Variants in GRIP1 observed in about 807,000 individuals in gnomAD.
GRIP1 encodes glutamate receptor-interacting protein 1.
GRIP1 carries 45 observed loss-of-function variants against 129.9 expected under a neutral mutation model. The ratio of observed to expected loss-of-function variants is 0.35; its 90% confidence interval spans 0.27 to 0.44. The LOEUF (loss-of-function observed/expected upper bound fraction) is 0.44, where lower values mean the gene tolerates loss of function less well. GRIP1 is among the 20% of genes least tolerant of loss of function. The pLI is 1.00. For synonymous variants in GRIP1, 530 were observed against 520.8 expected, an observed-to-expected ratio of 1.02 and a Z score of -0.24; for missense variants, 1,196 against 1,396.8, an observed-to-expected ratio of 0.86 and a Z score of 2.29.
At chr12:66,573,838 C>T (rs2063047175) in intron 2 of GRIP1, among the ~76,000 whole-genome samples, 1 of 152,114 alleles carries the variant, frequency 6.6e-6, no homozygotes, top group Non-Finnish European at 1.5e-5. Flanking sequence ...GTGCTGCCTC[C>T]CAGTATTCAC....
chr12:67,050,790 C>T (rs951138304), intron 1 of GRIP1, among the ~76,000 whole-genome samples: 9 of 152,104 alleles, frequency 5.9e-5, no homozygotes, highest in Non-Finnish European at 1.3e-4. Flanking sequence ...AACCTCTGCC[C>T]ACTGCTTTAC....
intron 14 of GRIP1, among the ~76,000 whole-genome samples, chr12:66,430,077 T>C (rs1253741350): frequency 6.6e-6 from 1 of 152,248 alleles, no homozygotes; most frequent in East Asian, 1.9e-4. Flanking sequence ...GTAAAACATT[T>C]GCAGGTAAAG....
At position 66,664,867 on chromosome 12, in the gene GRIP1, ATAAAAAG is replaced by A. The variant is rs2033708967; in HGVS notation, c.55+13976_55+13982del. Among the ~76,000 whole-genome samples, 4 of 152,146 alleles carry A rather than the reference ATAAAAAG, an allele frequency of 2.6e-5. No individual in the cohort carries two copies. The South Asian group carries it at 6.2e-4, about 24-fold the overall frequency. On this transcript the variant is annotated intron_variant, in intron 1 of 24. Coordinates refer to ENST00000359742, the MANE Select transcript of GRIP1 (RefSeq NM_001366722.1). ...TGTTAATGGTACAGGAGAGTAAAAG[ATAAAAAG>A]TAAAAGTTTTCTTCCTCCATTCTTT...
At chr12:66,421,969 T>C (rs1350036527) in intron 14 of GRIP1, among the ~76,000 whole-genome samples, 1 of 152,180 alleles carries the variant, frequency 6.6e-6, no homozygotes, top group Non-Finnish European at 1.5e-5. Context: ...AAATTAGCCA[T>C]ACCAACATTT....
At chr12:66,390,988 T>C (rs1295681101) in intron 19 of GRIP1, among the ~76,000 whole-genome samples, 1 of 152,254 alleles carries the variant, frequency 6.6e-6, no homozygotes, top group Non-Finnish European at 1.5e-5. Flanking sequence ...AAGTAACAAC[T>C]TGACAACTTT....
intron 1 of GRIP1, among the ~76,000 whole-genome samples, chr12:66,953,079 C>T (rs2041784521): frequency 6.6e-6 from 1 of 151,930 alleles, no homozygotes; most frequent in Non-Finnish European, 1.5e-5. Flanking sequence ...GAAATTGTAC[C>T]ATATATACAA....
intron 1 of GRIP1, among the ~76,000 whole-genome samples, chr12:67,054,762 G>GAA (rs113633004): frequency 2.4e-4 from 29 of 120,038 alleles, no homozygotes; most frequent in Admixed American, 6.1e-4. Flanking sequence ...AGACAGTATT[G>GAA]AAAAAAAAAA....
chr12:66,684,925 G>A lies in GRIP1; in HGVS notation c.-419-54589C>T, dbSNP rs145924560. Among the ~76,000 whole-genome samples the A allele has an allele frequency of 2.2e-3, 342 of 152,206 alleles. 3 individuals are homozygous for A. The highest frequency in any genetic ancestry group is 7.6e-3 in the African/African-American group (316 of 41,518). ...TCTCATCCTTGAGTCCAACATCTGTGGGCAGCCTTCATGACCATCTCCAAC... is the reference window on the plus strand; with the variant it reads ...TCTCATCCTTGAGTCCAACATCTGTAGGCAGCCTTCATGACCATCTCCAAC... On this transcript the variant is annotated intron_variant, in intron 1 of 4. Transcript: ENST00000538373.
intron 1 of GRIP1, among the ~76,000 whole-genome samples, chr12:67,059,398 C>T (rs767258231): frequency 1.3e-5 from 2 of 152,186 alleles, no homozygotes; most frequent in African/African-American, 2.4e-5. Flanking sequence ...CAGGGCACAA[C>T]GCCCAGCCAC....
chr12:66,634,774 T>C (rs1017471879), intron 1 of GRIP1, among the ~76,000 whole-genome samples: 2 of 152,200 alleles, frequency 1.3e-5, no homozygotes, highest in African/African-American at 4.8e-5. Flanking sequence ...TTTACAGAAC[T>C]AGTGATAGAG....
intron 1 of GRIP1, among the ~76,000 whole-genome samples, chr12:66,863,664 G>C (rs1419936830): frequency 6.6e-6 from 1 of 152,078 alleles, no homozygotes; most frequent in African/African-American, 2.4e-5. Flanking sequence ...TGGCAATAAG[G>C]ATAAAAATGA....
intron 1 of GRIP1, among the ~76,000 whole-genome samples, chr12:66,720,251 A>G (rs972900176): frequency 6.6e-6 from 1 of 152,194 alleles, no homozygotes; most frequent in African/African-American, 2.4e-5. Flanking sequence ...ATAACATTAT[A>G]TCTAAAAAGC....
intron 1 of GRIP1, among the ~76,000 whole-genome samples, chr12:66,775,943 G>C (rs2037965171): frequency 6.6e-6 from 1 of 152,192 alleles, no homozygotes; most frequent in South Asian, 2.1e-4. Context: ...GGGAGACACA[G>C]TATAGCATTG....
intron 1 of GRIP1, among the ~76,000 whole-genome samples, chr12:66,871,609 C>A (rs2040297976): frequency 6.6e-6 from 1 of 152,092 alleles, no homozygotes; most frequent in Non-Finnish European, 1.5e-5. Flanking sequence ...TCTTCTTCAT[C>A]TTCATCATTC....
chr12:66,985,237 G>C (rs932155673), intron 1 of GRIP1, among the ~76,000 whole-genome samples: 4 of 152,032 alleles, frequency 2.6e-5, no homozygotes, highest in Non-Finnish European at 4.4e-5. Flanking sequence ...GGCAGCCCAA[G>C]TTCAAAGAGG....
At chr12:66,999,356 T>G (rs977291994) in intron 1 of GRIP1, among the ~76,000 whole-genome samples, 1 of 152,092 alleles carries the variant, frequency 6.6e-6, no homozygotes, top group Non-Finnish European at 1.5e-5. Flanking sequence ...GAATTTCCAT[T>G]TGAAGGTTAG....
intron 1 of GRIP1, among the ~76,000 whole-genome samples, chr12:66,943,543 T>C (rs745746416): frequency 1.9e-4 from 29 of 152,212 alleles, no homozygotes; most frequent in Non-Finnish European, 3.1e-4. Flanking sequence ...TTCTGTGAAA[T>C]TGCTTCAGTT....
chr12:66,838,544 G>A lies in GRIP1; in HGVS notation c.58+230506C>T, dbSNP rs544957137. ...GCAGAGGCACAACACGCTCATTCAC[G>A]CATGTGAACAAATCAACTTAGACAT... On this transcript the variant is annotated intron_variant, in intron 1 of 1. Coordinates refer to the GRIP1 transcript ENST00000643019. Among the ~76,000 whole-genome samples, 7 of 152,244 alleles carry A rather than the reference G, an allele frequency of 4.6e-5. No individual in the cohort carries two copies. The South Asian group carries it at 6.2e-4, about 14-fold the overall frequency.
chr12:66,549,416 T>C (rs1198977314), intron 2 of GRIP1, among the ~76,000 whole-genome samples: 1 of 152,136 alleles, frequency 6.6e-6, no homozygotes, highest in Non-Finnish European at 1.5e-5. Flanking sequence ...CAGAATACTA[T>C]AGCTATATCT....
Sources: gnomAD v4.1 joint callset for allele counts (sites outside exome capture counted in the v4.1 genomes callset) on GRCh38, gnomAD v4.1.1 for gene constraint, MANE v1.5 for transcripts, NCBI Gene and HGNC (gene_info 2026-07-23, HGNC 2026-07-21) for gene names.